ERH: variants seen among roughly 807,000 people sequenced by gnomAD.
The protein encoded by ERH is enhancer of rudimentary homolog.
In ERH, 1 loss-of-function variant was observed where a neutral mutation model predicts 16.8. That is an observed-to-expected ratio of 0.06 (90% CI 0.02 to 0.28). ERH has a LOEUF of 0.28. ERH is among the 10% of genes least tolerant of loss of function. The pLI is 1.00. For synonymous variants in ERH, 43 were observed against 43.6 expected (o/e 0.99, Z 0.05); for missense variants, 42 against 127.5 (o/e 0.33, Z 3.23).
intron 1 of ERH, among the ~76,000 whole-genome samples, chr14:69,397,386 C>T (rs964294994): frequency 6.7e-6 from 1 of 148,790 alleles, no homozygotes; most frequent in Non-Finnish European, 1.5e-5. Context: ...GATATAAATA[C>T]AGATAAGTAC....
intron 3 of ERH, among the ~76,000 whole-genome samples, chr14:69,383,808 T>C (rs1270523214): frequency 6.6e-6 from 1 of 152,208 alleles, no homozygotes; most frequent in Non-Finnish European, 1.5e-5. Flanking sequence ...AATATTGTAT[T>C]AAAAATCAGT....
intron 1 of ERH, among the ~76,000 whole-genome samples, chr14:69,397,602 A>G (rs778111048): frequency 3.2e-4 from 49 of 152,198 alleles, no homozygotes; most frequent in Non-Finnish European, 5.7e-4. Flanking sequence ...TTCCTACAGC[A>G]GGCTAGAGCA....
At chr14:69,389,478 T>C (rs1381574897) in intron 2 of ERH, among the ~76,000 whole-genome samples, 2 of 152,170 alleles carry the variant, frequency 1.3e-5, no homozygotes, top group Non-Finnish European at 2.9e-5. Flanking sequence ...GCCTTCAGAT[T>C]GGAAAGGAAG....
chr14:69,394,379 G>A (rs1299394015), intron 2 of ERH, among the ~76,000 whole-genome samples: 1 of 151,958 alleles, frequency 6.6e-6, no homozygotes, highest in Non-Finnish European at 1.5e-5. Context: ...CGGATTACTT[G>A]AGGTCAGGAG....
Position 69,380,410 on chromosome 14 carries a change from ACAGT to A in ERH, c.*124_*127del, listed in dbSNP as rs1269811565. 3.9e-6 allele frequency: 2 copies of A among 519,412 alleles called. No homozygotes were observed. Among genetic ancestry groups the A allele is most frequent in the Non-Finnish European group, 7.0e-6 (2 of 284,680 alleles). 32.2% of individuals were successfully genotyped at this position (519,412 alleles called of 1,614,324 possible). A position where few individuals can be genotyped will look rare whatever the true frequency, so the allele number is the denominator to read the frequency against. On this transcript the variant is annotated 3_prime_UTR_variant, in exon 4 of 4. Coordinates refer to ENST00000557016, the MANE Select transcript of ERH (RefSeq NM_004450.3). ...ACAAGATCCTCACATTTCATCTAAT[ACAGT>A]CAATCTTGGCTAGAGTATAACAAAG...
intron 2 of ERH, among the ~76,000 whole-genome samples, chr14:69,387,734 T>C (rs1217217838): frequency 7.1e-6 from 1 of 140,510 alleles, no homozygotes; most frequent in East Asian, 2.0e-4. Context: ...AAAGAGATTA[T>C]CCTAATGTAT....
intron 3 of ERH, among the ~76,000 whole-genome samples, chr14:69,383,483 G>A (rs1363133391): frequency 1.3e-5 from 2 of 152,124 alleles, no homozygotes; most frequent in African/African-American, 4.8e-5. Context: ...TTACCTCTTT[G>A]GAAACAATAC....
intron 3 of ERH, among the ~76,000 whole-genome samples, chr14:69,382,616 A>C (rs983817965): frequency 6.6e-5 from 10 of 151,968 alleles, no homozygotes; most frequent in Middle Eastern, 6.8e-3. Flanking sequence ...GGCGGGCCAC[A>C]ATGTCAAGAG....
At chr14:69,396,699 G>C (rs1446219510) in intron 1 of ERH, among the ~76,000 whole-genome samples, 1 of 152,162 alleles carries the variant, frequency 6.6e-6, no homozygotes, top group East Asian at 1.9e-4. Context: ...TCCCCATCAA[G>C]AACTAAACCA....
At chr14:69,386,360 G>A (rs926797508) in intron 3 of ERH, among the ~76,000 whole-genome samples, 2 of 152,136 alleles carry the variant, frequency 1.3e-5, no homozygotes, top group African/African-American at 2.4e-5. Context: ...GTATCATAAG[G>A]TGCTTCCATT....
intron 2 of ERH, among the ~76,000 whole-genome samples, chr14:69,392,393 A>G (rs1049171950): frequency 5.9e-5 from 9 of 152,212 alleles, no homozygotes; most frequent in East Asian, 3.8e-4. Context: ...ATAAATGCAC[A>G]TTGCTAAGTA....
At chr14:69,394,986 T>A (rs1009574254) in intron 1 of ERH, 74 bp from the exon 2 acceptor site, 52 of 1,038,134 alleles carry the variant, frequency 5.0e-5, no homozygotes, top group Non-Finnish European at 6.6e-5. Flanking sequence ...AAAATCCCCA[T>A]TTGTAATGCA....
chr14:69,380,491 A>G lies in ERH; in HGVS notation c.*47T>C. 9.4e-7 allele frequency: 1 copy of G among 1,065,062 alleles called. No individual in the cohort carries two copies. Among genetic ancestry groups the G allele is most frequent in the South Asian group, 1.3e-5 (1 of 79,944 alleles). The allele number at this position is 1,065,062 out of a possible 1,614,324, so 66.0% of individuals were successfully genotyped here. ...ACTTCCACTACAGCACGCTGTACAC[A>G]CCTGTGTTCCAAGCCCACCCCAACC... On this transcript the variant is annotated 3_prime_UTR_variant, in exon 4 of 4. Coordinates refer to ENST00000557016, the MANE Select transcript of ERH (RefSeq NM_004450.3).
chr14:69,392,773 T>A (rs1882247056), intron 2 of ERH, among the ~76,000 whole-genome samples: 1 of 152,176 alleles, frequency 6.6e-6, no homozygotes, highest in Admixed American at 6.5e-5. Context: ...TAGGGGAAAT[T>A]GTGTAGGGGT....
intron 2 of ERH, among the ~76,000 whole-genome samples, chr14:69,391,818 T>C (rs899934617): frequency 1.3e-5 from 2 of 151,788 alleles, no homozygotes; most frequent in Admixed American, 6.6e-5. Context: ...GAAGGAGGTA[T>C]AGGTGGAGCA....
At chr14:69,381,142 AT>A (rs2045861116) in intron 3 of ERH, among the ~76,000 whole-genome samples, 1 of 152,154 alleles carries the variant, frequency 6.6e-6, no homozygotes, top group African/African-American at 2.4e-5. Context: ...TTAGCTGGGC[AT>A]GGTGGTGCAC....
At chr14:69,398,059 GAGT>G (rs1450333488) in intron 1 of ERH, 169 bp downstream of exon 1, 1 of 841,420 alleles carries the variant, frequency 1.2e-6, no homozygotes, top group African/African-American at 1.7e-5. Context: ...CCGAGGCCTA[GAGT>G]CAGGCCTGGC....
chr14:69,395,351 T>G (rs559120516), intron 1 of ERH, among the ~76,000 whole-genome samples: 2 of 152,182 alleles, frequency 1.3e-5, no homozygotes, highest in Non-Finnish European at 2.9e-5. Context: ...GATGTCTTAG[T>G]CTAAGTATAG....
chr14:69,386,748 T>C, intron 3 of ERH: 1 of 411,504 alleles, frequency 2.4e-6, no homozygotes, highest in East Asian at 3.7e-5. Context: ...TTCTGGATAC[T>C]AACTATATCA....
Sources: gnomAD v4.1 joint callset for allele counts (sites outside exome capture counted in the v4.1 genomes callset) on GRCh38, gnomAD v4.1.1 for gene constraint, MANE v1.5 for transcripts, NCBI Gene and HGNC (gene_info 2026-07-23, HGNC 2026-07-21) for gene names.